LOC400499: variants seen among roughly 807,000 people sequenced by gnomAD.
At chr16:11,456,297 C>T in the LOC400499 span, among the ~76,000 whole-genome samples, 2,250 of 152,294 alleles carry the variant, frequency 0.015, 45 homozygotes, top group African/African-American at 0.052. Flanking sequence ...CGCCCCCACA[C>T]CCAGCCTCCT....
At chr16:11,434,825 C>T in the LOC400499 span, among the ~76,000 whole-genome samples, 2 of 152,248 alleles carry the variant, frequency 1.3e-5, no homozygotes, top group South Asian at 4.1e-4. Context: ...GGGACTTGAA[C>T]CCAAGTGGTC....
At chr16:11,475,919 G>A in the LOC400499 span, among the ~76,000 whole-genome samples, 32,873 of 151,882 alleles carry the variant, frequency 0.22, 3,720 homozygotes, top group African/African-American at 0.27. Flanking sequence ...CAAGTGCTGT[G>A]AGAAACCCAC....
the LOC400499 span, among the ~76,000 whole-genome samples, chr16:11,421,610 G>C: frequency 2.4e-4 from 37 of 152,248 alleles, no homozygotes; most frequent in African/African-American, 8.7e-4. Flanking sequence ...TACCATGTTG[G>C]CCAGGCTGAT....
At chr16:11,483,800 G>C in the LOC400499 span, among the ~76,000 whole-genome samples, 1 of 151,646 alleles carries the variant, frequency 6.6e-6, no homozygotes, top group African/African-American at 2.4e-5. Flanking sequence ...GTTTGAGCCT[G>C]GGGGGCAAAG....
At chr16:11,475,208 T>C in the LOC400499 span, among the ~76,000 whole-genome samples, 3 of 152,128 alleles carry the variant, frequency 2.0e-5, no homozygotes, top group African/African-American at 7.2e-5. Context: ...AAATACCTAA[T>C]GCATGCGGGG....
the LOC400499 span, among the ~76,000 whole-genome samples, chr16:11,505,434 A>C: frequency 8.6e-6 from 1 of 116,228 alleles, no homozygotes; most frequent in South Asian, 2.7e-4. Flanking sequence ...GATTTTTTTA[A>C]TTTTTCTTTT....
At chr16:11,465,820 T>C in the LOC400499 span, among the ~76,000 whole-genome samples, 18 of 61,336 alleles carry the variant, frequency 2.9e-4, no homozygotes, top group East Asian at 0.013. Flanking sequence ...GTAGAAGACA[T>C]GGGGGAAAGT....
At chr16:11,408,614 C>T in the LOC400499 span, among the ~76,000 whole-genome samples, 2 of 152,010 alleles carry the variant, frequency 1.3e-5, no homozygotes, top group Non-Finnish European at 1.5e-5. Context: ...TACAGGTACA[C>T]ACCACCATGC....
At chr16:11,527,311 G>T in the LOC400499 span, among the ~76,000 whole-genome samples, 3 of 152,130 alleles carry the variant, frequency 2.0e-5, no homozygotes, top group African/African-American at 7.2e-5. Flanking sequence ...TAGAAGGGGA[G>T]GTGGGGGGCA....
At chr16:11,518,011 T>C in the LOC400499 span, among the ~76,000 whole-genome samples, 1 of 152,160 alleles carries the variant, frequency 6.6e-6, no homozygotes, top group Admixed American at 6.5e-5. Context: ...GGCAGTCCCC[T>C]GGGTCTCAGG....
chr16:11,518,206 G>C, the LOC400499 span, among the ~76,000 whole-genome samples: 2 of 152,344 alleles, frequency 1.3e-5, no homozygotes, highest in East Asian at 1.9e-4. Context: ...CTGTCCCTCA[G>C]CAGCATCCCC....
chr16:11,471,476 T>G, the LOC400499 span: 1 of 395,550 alleles, frequency 2.5e-6, no homozygotes, highest in Non-Finnish European at 4.5e-6. Context: ...AGTTAATGCA[T>G]CATACAGCCC....
chr16:11,470,880 TC>T, the LOC400499 span, among the ~76,000 whole-genome samples: 4 of 152,110 alleles, frequency 2.6e-5, no homozygotes, highest in African/African-American at 9.7e-5. Context: ...TAGGTGGATG[TC>T]CCGGGGAAGA....
the LOC400499 span, chr16:11,516,266 G>A: frequency 5.0e-6 from 2 of 399,608 alleles, no homozygotes; most frequent in South Asian, 1.3e-4. Context: ...CACACGCCCA[G>A]AGTGCAGGAT....
At chr16:11,382,561 G>GA in the LOC400499 span, among the ~76,000 whole-genome samples, 1 of 149,818 alleles carries the variant, frequency 6.7e-6, no homozygotes, top group Non-Finnish European at 1.5e-5. Flanking sequence ...TTTGGTCACA[G>GA]AAGTCATCTG....
the LOC400499 span, among the ~76,000 whole-genome samples, chr16:11,525,001 G>C: frequency 6.6e-6 from 1 of 152,158 alleles, no homozygotes; most frequent in African/African-American, 2.4e-5. Context: ...AAAACACATT[G>C]TGCCTGGGTA....
At chr16:11,373,369 G>A in the LOC400499 span, among the ~76,000 whole-genome samples, 1 of 152,198 alleles carries the variant, frequency 6.6e-6, no homozygotes, top group Non-Finnish European at 1.5e-5. Flanking sequence ...TTCTGAGATG[G>A]AGTCTCGCGC....
chr16:11,460,594 C>T, the LOC400499 span: 128 of 1,533,852 alleles, frequency 8.3e-5, no homozygotes, highest in Non-Finnish European at 1.0e-4. Context: ...ACTCGTGTGC[C>T]GCCTGCTTTG....
chr16:11,517,959 G>A, the LOC400499 span, among the ~76,000 whole-genome samples: 8 of 152,294 alleles, frequency 5.3e-5, no homozygotes, highest in African/African-American at 1.4e-4. Context: ...GGGGGGCAGC[G>A]GTCACTCTCC....
Sources: allele counts gnomAD v4.1 joint callset (sites outside exome capture counted in the v4.1 genomes callset), GRCh38; gene constraint gnomAD v4.1.1; transcripts MANE v1.5.